IGSF10: variants seen among roughly 807,000 people sequenced by gnomAD.
IGSF10 encodes the protein calvaria mechanical force protein 608.
Under a neutral mutation model 128.2 loss-of-function variants are expected in IGSF10, and 126 were observed. The ratio of observed to expected loss-of-function variants is 0.98; its 90% CI spans 0.85 to 1.14. The LOEUF is 1.14. Among genes scored for constraint, IGSF10 ranks in the 50% most tolerant of loss-of-function variants. The probability of loss-of-function intolerance (pLI) is 0.00; values close to 1 mark genes in which losing one functional copy is unlikely to be tolerated. For missense variants in IGSF10, 3,295 were observed against 3,149.8 expected, an observed-to-expected ratio of 1.05 and a Z score of -1.10; for synonymous variants, 1,185 against 1,146.2, an observed-to-expected ratio of 1.03 and a Z score of -0.68.
At chr3:151,602,667 C>T in the IGSF10 span, among the ~76,000 whole-genome samples, 1 of 152,154 alleles carries the variant, frequency 6.6e-6, no homozygotes. Flanking sequence ...CACTGAGACT[C>T]CTTAGCCCAA....
At position 151,438,311 on chromosome 3, in the gene IGSF10, T is replaced by C. The variant is rs1720564886; in HGVS notation, c.6250A>G (p.Met2084Val). Residue 2084 changes from methionine to valine, a missense_variant, in exon 8 of 8, where the codon ATG becomes GTG. Physicochemically the swap from Met to Val is conservative, Grantham distance 21. Transcript: ENST00000282466. ...CTGTGGCCACTGTCATCGGCTTGCATTGCATTGTTGATCATGGTTCCATCA... is the reference window on the plus strand; with the variant it reads ...CTGTGGCCACTGTCATCGGCTTGCACTGCATTGTTGATCATGGTTCCATCA... Reference protein sequence around the residue: ...LPDGTMINNAMQADDSGHRTR... With the variant: ...LPDGTMINNAVQADDSGHRTR... The C allele has an allele frequency of 5.0e-6, 8 of 1,614,184 alleles. No homozygotes were observed. Among genetic ancestry groups the C allele is most frequent in the Non-Finnish European group, 6.8e-6 (8 of 1,180,038 alleles).
At chr3:151,481,714 A>G in the IGSF10 span, among the ~76,000 whole-genome samples, 1 of 152,108 alleles carries the variant, frequency 6.6e-6, no homozygotes, top group South Asian at 2.1e-4. Context: ...CCAAGCACCT[A>G]TGTCCTGGAT....
chr3:151,600,989 T>C, the IGSF10 span, among the ~76,000 whole-genome samples: 2 of 151,602 alleles, frequency 1.3e-5, no homozygotes, highest in African/African-American at 4.8e-5. Flanking sequence ...AAGTATTATG[T>C]CAAGGAAAGA....
In IGSF10 at chr3:151,437,694, TCTGCTTCCATAG is replaced by T. The variant is rs777232976; in HGVS notation, c.6855_6866del (p.Tyr2285_Arg2289delinsTer). The T allele has an allele frequency of 6.2e-7, 1 of 1,614,220 alleles. No homozygotes were observed. Among genetic ancestry groups the T allele is most frequent in the Non-Finnish European group, 8.5e-7 (1 of 1,180,040 alleles). The stretch of plus-strand genomic sequence containing the variant: ...AGGTTCCATTTTTATGGACTGTGAT[TCTGCTTCCATAG>T]TATGGGGCTGTGAGGAAAATATTGT... On this transcript the variant is annotated stop_gained and inframe_deletion, in exon 8 of 8. Coordinates refer to ENST00000282466, the MANE Select transcript of IGSF10 (RefSeq NM_178822.5). LOFTEE classifies it low-confidence loss of function (END_TRUNC).
chr3:151,435,741 A>G (rs1434319624), downstream of IGSF10: 1 of 152,190 alleles, frequency 6.6e-6, no homozygotes, highest in Non-Finnish European at 1.5e-5. Context: ...TTCAGGTTGA[A>G]TTAAGCATGT....
the IGSF10 span, among the ~76,000 whole-genome samples, chr3:151,514,849 C>CA: frequency 6.6e-6 from 1 of 152,026 alleles, no homozygotes; most frequent in African/African-American, 2.4e-5. Flanking sequence ...TTTATGCAGC[C>CA]AAAAAACACG....
chr3:151,488,244 C>T, the IGSF10 span, among the ~76,000 whole-genome samples: 1 of 152,040 alleles, frequency 6.6e-6, no homozygotes, highest in Non-Finnish European at 1.5e-5. Flanking sequence ...GAATTAAGTA[C>T]CTAGGAATAC....
chr3:151,511,145 T>A, the IGSF10 span, among the ~76,000 whole-genome samples: 2 of 151,910 alleles, frequency 1.3e-5, no homozygotes, highest in East Asian at 1.9e-4. Context: ...GAAGAGCAAC[T>A]CCAAGACACA....
intron 6 of IGSF10, 131 bp downstream of exon 6, chr3:151,444,788 A>T (rs997053100): frequency 1.3e-6 from 1 of 752,016 alleles, no homozygotes; most frequent in Non-Finnish European, 2.1e-6. Flanking sequence ...TCAAATGAGG[A>T]TATTAATAGT....
upstream of IGSF10, among the ~76,000 whole-genome samples, chr3:151,462,343 C>A (rs940582948): frequency 6.6e-6 from 1 of 152,190 alleles, no homozygotes; most frequent in Non-Finnish European, 1.5e-5. Context: ...CCCACTGATT[C>A]AGAAACTGTA....
At chr3:151,539,892 A>T in the IGSF10 span, among the ~76,000 whole-genome samples, 1 of 151,902 alleles carries the variant, frequency 6.6e-6, no homozygotes, top group African/African-American at 2.4e-5. Flanking sequence ...CTGTCTGTTC[A>T]TCCATCCATT....
At chr3:151,492,402 C>T in the IGSF10 span, among the ~76,000 whole-genome samples, 128,572 of 152,136 alleles carry the variant, frequency 0.85, 54,625 homozygotes, top group Middle Eastern at 0.94. Flanking sequence ...CAACACACTG[C>T]TGATGGGAAT....
At chr3:151,480,606 T>C in the IGSF10 span, among the ~76,000 whole-genome samples, 1 of 152,012 alleles carries the variant, frequency 6.6e-6, no homozygotes, top group African/African-American at 2.4e-5. Context: ...AAGCAGCCAT[T>C]GCATCTATCT....
chr3:151,547,524 T>C, the IGSF10 span, among the ~76,000 whole-genome samples: 1 of 152,246 alleles, frequency 6.6e-6, no homozygotes, highest in South Asian at 2.1e-4. Flanking sequence ...TCATGTATTC[T>C]ATTAATATCA....
the IGSF10 span, among the ~76,000 whole-genome samples, chr3:151,589,984 T>A: frequency 3.3e-5 from 5 of 152,070 alleles, no homozygotes; most frequent in East Asian, 3.9e-4. Flanking sequence ...AAATAAAAAA[T>A]TATTGGAAAC....
the IGSF10 span, among the ~76,000 whole-genome samples, chr3:151,502,340 G>C: frequency 6.6e-6 from 1 of 151,974 alleles, no homozygotes; most frequent in African/African-American, 2.4e-5. Flanking sequence ...TAATGTTCTG[G>C]AGTTTAGAGA....
chr3:151,499,399 A>G, the IGSF10 span, among the ~76,000 whole-genome samples: 2 of 152,186 alleles, frequency 1.3e-5, no homozygotes, highest in African/African-American at 4.8e-5. Flanking sequence ...GGCATTACAC[A>G]GTAAATCTTT....
chr3:151,436,467 TAA>T lies in IGSF10; in HGVS notation c.*220_*221del, dbSNP rs1720231321. ...TGTTTATTGTTATTTGTTGGCAAAA[TAA>T]AAGTGCCTTAAGTTAAAAGTTTGTT... On this transcript the variant is annotated 3_prime_UTR_variant, in exon 8 of 8. Coordinates refer to ENST00000282466, the MANE Select transcript of IGSF10 (RefSeq NM_178822.5). The T allele has an allele frequency of 1.5e-5, 6 of 412,048 alleles. No homozygotes were observed. Among genetic ancestry groups the T allele is most frequent in the Non-Finnish European group, 2.6e-5 (6 of 233,580 alleles). The allele number at this position is 412,048 out of a possible 1,614,324, so 25.5% of individuals were successfully genotyped here.
the IGSF10 span, among the ~76,000 whole-genome samples, chr3:151,599,495 G>A: frequency 1.3e-5 from 2 of 152,154 alleles, no homozygotes; most frequent in African/African-American, 2.4e-5. Flanking sequence ...AAGGTGGGGA[G>A]GATACTGGTC....
Sources: gnomAD v4.1 joint callset for allele counts (sites outside exome capture counted in the v4.1 genomes callset) on GRCh38, gnomAD v4.1.1 for gene constraint, MANE v1.5 for transcripts, NCBI Gene and HGNC (gene_info 2026-07-23, HGNC 2026-07-21) for gene names.